ITGB6: variants seen among roughly 807,000 people sequenced by gnomAD.
ITGB6 encodes the protein integrin beta-6.
In ITGB6, 80 loss-of-function variants were observed where a neutral mutation model predicts 84.5. The ratio of observed to expected loss-of-function variants is 0.95; its 90% CI spans 0.79 to 1.14. The LOEUF is 1.14. Ranked by LOEUF, ITGB6 falls within the 50% of genes most tolerant of loss-of-function variation. The pLI, the probability that ITGB6 is intolerant of heterozygous loss-of-function variation, is 0.00. For missense variants in ITGB6, 1,006 were observed against 968.0 expected (o/e 1.04, Z -0.52); for synonymous variants, 383 against 354.9 (o/e 1.08, Z -0.89).
intron 12 of ITGB6, 71 bp from the exon 13 acceptor site, chr2:160,112,270 A>G: frequency 7.2e-7 from 1 of 1,390,976 alleles, no homozygotes; most frequent in Non-Finnish European, 1.0e-6. Context: ...ACAAAGTAGT[A>G]TTGAGTTTTA....
intron 10 of ITGB6, among the ~76,000 whole-genome samples, chr2:160,135,065 C>T (rs1341228601): frequency 6.6e-6 from 1 of 152,022 alleles, no homozygotes; most frequent in African/African-American, 2.4e-5. Flanking sequence ...GGCAATCAGG[C>T]AGGAGAAAGA....
rs751739037 is a variant in ITGB6 at position 160,196,220 on chromosome 2, T to C, written c.342A>G (p.Arg114=). 18 of 1,613,694 alleles carry C rather than the reference T, an allele frequency of 1.1e-5. No individual in the cohort carries two copies. The highest frequency in any genetic ancestry group is 1.5e-5 in the Non-Finnish European group (18 of 1,179,630). Residue 114 remains arginine (R), a synonymous_variant, in exon 3 of 15, where the codon AGA becomes AGG. Coordinates refer to ENST00000283249, the MANE Select transcript of ITGB6 (RefSeq NM_000888.5). ...ATGAGCCAAATCCTAACATACCTGG[T>C]CTCAACTTAAGGATCAAGCTTTGAG... The part of the protein sequence containing the change: ...IAPQSLILKL[R]PGGAQTLQVH...
chr2:160,147,981 T>C (rs1316603927), intron 7 of ITGB6, among the ~76,000 whole-genome samples: 2 of 152,170 alleles, frequency 1.3e-5, no homozygotes, highest in Non-Finnish European at 2.9e-5. Context: ...GGACTTAAAA[T>C]TAAAATCTTC....
At chr2:160,137,051 A>AT (rs1461059104) in intron 10 of ITGB6, among the ~76,000 whole-genome samples, 1 of 107,792 alleles carries the variant, frequency 9.3e-6, no homozygotes, top group African/African-American at 4.5e-5. Context: ...TAAAGTATAA[A>AT]TAAAAAAAAA....
At chr2:160,141,616 A>G (rs373842610) in intron 8 of ITGB6, among the ~76,000 whole-genome samples, 137 of 152,310 alleles carry the variant, frequency 9.0e-4, no homozygotes, top group African/African-American at 3.0e-3. Flanking sequence ...TTAGCTCTCT[A>G]CATAACTCTG....
intron 7 of ITGB6, among the ~76,000 whole-genome samples, chr2:160,157,748 CAAAAAAA>C (rs11364475): frequency 7.1e-5 from 6 of 84,170 alleles, no homozygotes; most frequent in South Asian, 9.9e-4. Context: ...AGCACAGAGG[CAAAAAAA>C]AAAAAAAAAA....
Position 160,153,384 on chromosome 2 carries a change from T to A in ITGB6, c.1018-11313A>T, listed in dbSNP as rs542229178. On this transcript the variant is annotated intron_variant, in intron 7 of 14. Transcript: ENST00000283249. ...TGGTGATGGGAAAACTGGCTAGCCA[T>A]ATGTAGAAAGCTGAAATTGGATCCC... Among the ~76,000 whole-genome samples, 7 of 152,310 alleles carry A rather than the reference T, an allele frequency of 4.6e-5. No individual in the cohort carries two copies. The South Asian group carries it at 1.5e-3, about 32-fold the overall frequency.
intron 12 of ITGB6, among the ~76,000 whole-genome samples, chr2:160,120,819 C>G (rs982745348): frequency 6.8e-6 from 1 of 147,456 alleles, no homozygotes; most frequent in Non-Finnish European, 1.5e-5. Flanking sequence ...GGACAGAAAA[C>G]CAAACACCAC....
At chr2:160,138,750 C>G (rs560217216) in intron 8 of ITGB6, among the ~76,000 whole-genome samples, 1 of 152,144 alleles carries the variant, frequency 6.6e-6, no homozygotes, top group Admixed American at 6.5e-5. Flanking sequence ...AAATTTACAC[C>G]CTGCTGCTCT....
At chr2:160,178,738 C>T (rs1467490258) in intron 4 of ITGB6, among the ~76,000 whole-genome samples, 1 of 136,202 alleles carries the variant, frequency 7.3e-6, no homozygotes, top group South Asian at 2.3e-4. Flanking sequence ...GTAGCCCAGG[C>T]TGGAATGCGG....
chr2:160,194,845 A>T (rs1686271287), intron 4 of ITGB6, among the ~76,000 whole-genome samples: 1 of 152,000 alleles, frequency 6.6e-6, no homozygotes, highest in Admixed American at 6.5e-5. Context: ...TTTACTACTG[A>T]ATTTAACAGC....
chr2:160,121,767 C>CA (rs34688052), intron 12 of ITGB6, among the ~76,000 whole-genome samples: 3,457 of 59,410 alleles, frequency 0.058, 128 homozygotes, highest in African/African-American at 0.23. Flanking sequence ...GGCCTTGTCT[C>CA]AAAAAAAAAG....
intron 7 of ITGB6, 64 bp downstream of exon 7, chr2:160,169,148 T>G (rs1366118939): frequency 2.0e-5 from 18 of 903,520 alleles, no homozygotes; most frequent in Middle Eastern, 3.5e-4. Context: ...ACTCACAGAG[T>G]TAATGTTAAA....
chr2:160,117,467 G>T (rs988517672), intron 12 of ITGB6, among the ~76,000 whole-genome samples: 1 of 152,144 alleles, frequency 6.6e-6, no homozygotes, highest in Non-Finnish European at 1.5e-5. Context: ...TGAAACCAGC[G>T]AGAACAAAGA....
At position 160,199,910 on chromosome 2, in the gene ITGB6, A is replaced by G. The variant is rs1278144394; in HGVS notation, c.61+93T>C. 1.7e-5 allele frequency: 17 copies of G among 984,902 alleles called. No individual in the cohort carries two copies. The Admixed American group carries it at 3.2e-4, about 19-fold the overall frequency. The allele number at this position is 984,902 out of a possible 1,614,324, so 61.0% of individuals were successfully genotyped here. On this transcript the variant is annotated intron_variant, in intron 1 of 14. Coordinates refer to ENST00000283249, the MANE Select transcript of ITGB6 (RefSeq NM_000888.5). Reference sequence around the variant, plus strand: ...CACAAAAGAGCAATGGAACAGATCAAATAAAACATGACTTCAGATCTAGTT... The same window carrying G: ...CACAAAAGAGCAATGGAACAGATCAGATAAAACATGACTTCAGATCTAGTT...
chr2:160,138,339 T>C, intron 8 of ITGB6, 140 bp from the exon 9 acceptor site: 1 of 734,462 alleles, frequency 1.4e-6, no homozygotes, highest in South Asian at 2.3e-5. Flanking sequence ...ATATCATCAA[T>C]CAAAAGCAAG....
intron 12 of ITGB6, among the ~76,000 whole-genome samples, chr2:160,112,741 A>G (rs1682587342): frequency 6.6e-6 from 1 of 152,180 alleles, no homozygotes; most frequent in Admixed American, 6.5e-5. Context: ...GGATAAAGGT[A>G]AATAAATCCA....
Position 160,147,333 on chromosome 2 carries a change from A to G in ITGB6, c.1018-5262T>C, listed in dbSNP as rs372380637. On this transcript the variant is annotated intron_variant, in intron 7 of 14. Transcript: ENST00000283249. ...AGTTATCTTCACAGCCTTATGGTTA[A>G]CAAGAATATCTTAAGTAGGATAGAA... is the stretch of plus-strand genomic sequence containing the variant. Among the ~76,000 whole-genome samples the G allele has an allele frequency of 9.2e-5, 14 of 152,332 alleles. No individual in the cohort carries two copies. In the East Asian group the frequency reaches 2.3e-3, roughly 25 times the overall value.
chr2:160,136,395 G>A (rs899462579), intron 10 of ITGB6, among the ~76,000 whole-genome samples: 15 of 151,982 alleles, frequency 9.9e-5, no homozygotes, highest in Non-Finnish European at 2.1e-4. Context: ...AAAAAGTCAG[G>A]AAACAACAGG....
Sources: gnomAD v4.1 joint callset for allele counts (sites outside exome capture counted in the v4.1 genomes callset) on GRCh38, gnomAD v4.1.1 for gene constraint, MANE v1.5 for transcripts, NCBI Gene and HGNC (gene_info 2026-07-23, HGNC 2026-07-21) for gene names.